Variants in DDX47 observed in about 807,000 individuals in gnomAD.
DDX47 encodes DEAD-box helicase 47.
Under a neutral mutation model 58.8 loss-of-function variants are expected in DDX47, and 60 were observed. That is an observed-to-expected ratio of 1.02 (90% CI 0.83 to 1.26). The LOEUF (loss-of-function observed/expected upper bound fraction) is 1.26. Among genes scored for constraint, DDX47 ranks in the 50% most tolerant of loss-of-function variants. The pLI is 0.00. For missense variants in DDX47, 530 were observed against 573.2 expected, an observed-to-expected ratio of 0.92 and a Z score of 0.77; for synonymous variants, 197 against 204.6, an observed-to-expected ratio of 0.96 and a Z score of 0.32.
At position 12,824,783 on chromosome 12, in the gene DDX47, A is replaced by C. The variant is rs1319491155; in HGVS notation, c.1035+106A>C. 3.9e-6 allele frequency: 5 copies of C among 1,271,742 alleles called. No individual in the cohort carries two copies. In the Admixed American group the frequency reaches 1.1e-4, roughly 28 times the overall value. 78.8% of individuals were successfully genotyped at this position (1,271,742 alleles called of 1,614,324 possible). A position where few individuals can be genotyped will look rare whatever the true frequency, so the allele number is the denominator to read the frequency against. ...GCAGTTATTTTGTTCCTGGTTAATTAAGTATCAAAAAACAAGAAAGCCCTT... is the reference window on the plus strand; with the variant it reads ...GCAGTTATTTTGTTCCTGGTTAATTCAGTATCAAAAAACAAGAAAGCCCTT... On this transcript the variant is annotated intron_variant, in intron 9 of 11. Transcript: ENST00000358007.
chr12:12,821,278 CGCACT>C lies in DDX47; in HGVS notation c.255_259del (p.Leu86GlyfsTer26). ...GCGCCTTTGCTTTGCCCATTCTAAACGCACTGCTGGAGACCCCGCAGCGTTTGTTT... is the reference window on the plus strand; with the variant it reads ...GCGCCTTTGCTTTGCCCATTCTAAACGCTGGAGACCCCGCAGCGTTTGTTT... On this transcript the variant is annotated frameshift_variant, in exon 3 of 12. Coordinates refer to ENST00000358007, the MANE Select transcript of DDX47 (RefSeq NM_016355.4). LOFTEE classifies it high-confidence loss of function. 1.2e-6 allele frequency: 2 copies of C among 1,614,170 alleles called. No individual in the cohort carries two copies. Among genetic ancestry groups the C allele is most frequent in the Non-Finnish European group, 1.7e-6 (2 of 1,180,042 alleles).
At chr12:12,817,725 A>G (rs1163280406) in intron 2 of DDX47, among the ~76,000 whole-genome samples, 1 of 152,348 alleles carries the variant, frequency 6.6e-6, no homozygotes, top group East Asian at 1.9e-4. Context: ...ACAGGTATAA[A>G]CACTGAAAAG....
At chr12:12,818,381 C>G (rs559630112) in intron 2 of DDX47, among the ~76,000 whole-genome samples, 1 of 152,128 alleles carries the variant, frequency 6.6e-6, no homozygotes, top group South Asian at 2.1e-4. Flanking sequence ...ATTAGCAGGG[C>G]GTGGTGACGG....
chr12:12,829,639 A>C lies in DDX47; in HGVS notation c.*85A>C. ...TGCTCCAACAGAGATCATGAGACTG[A>C]AATTGGTCAGAATTGTGTCCAGAAT... is the stretch of plus-strand genomic sequence containing the variant. On this transcript the variant is annotated 3_prime_UTR_variant, in exon 12 of 12. Coordinates refer to ENST00000358007, the MANE Select transcript of DDX47 (RefSeq NM_016355.4). The C allele has an allele frequency of 6.6e-7, 1 of 1,508,340 alleles. No individual in the cohort carries two copies. Among genetic ancestry groups the C allele is most frequent in the South Asian group, 1.3e-5 (1 of 75,598 alleles). The allele number at this position is 1,508,340 out of a possible 1,614,324, so 93.4% of individuals were successfully genotyped here.
intron 2 of DDX47, 41 bp downstream of exon 2, chr12:12,814,265 C>T (rs750820647): frequency 8.0e-7 from 1 of 1,251,196 alleles, no homozygotes; most frequent in Non-Finnish European, 1.2e-6. Flanking sequence ...ATAAAGTTAT[C>T]TCAATTAGAT....
intron 2 of DDX47, among the ~76,000 whole-genome samples, chr12:12,816,176 T>A (rs1358463363): frequency 6.6e-6 from 1 of 152,100 alleles, no homozygotes; most frequent in Non-Finnish European, 1.5e-5. Context: ...AGTAATTGAT[T>A]TTGGATATCA....
intron 4 of DDX47, 57 bp from the exon 5 acceptor site, chr12:12,821,908 G>GT (rs200563142): frequency 0.039 from 38,413 of 995,042 alleles, 61 homozygotes; most frequent in African/African-American, 0.064. Context: ...TATTTGTTTT[G>GT]TTTTTTTTTT....
intron 2 of DDX47, chr12:12,820,219 G>T (rs1240156342): frequency 6.6e-6 from 1 of 152,196 alleles, no homozygotes; most frequent in African/African-American, 2.4e-5. Flanking sequence ...ATAGCAAACA[G>T]TGGTGACCTG....
Position 12,829,901 on chromosome 12 carries a change from C to A in DDX47, c.*347C>A. The A allele has an allele frequency of 6.0e-6, 1 of 167,950 alleles. No homozygotes were observed. 10.4% of individuals were successfully genotyped at this position (167,950 alleles called of 1,614,324 possible). ...AATTGTAAAGAAGCTTGGACATCTG[C>A]AAATGATATTTAAACCATCTTGGCT... On this transcript the variant is annotated 3_prime_UTR_variant, in exon 12 of 12. Transcript: ENST00000358007.
In DDX47 at chr12:12,827,267, G is replaced by T. The variant is rs1370071204; in HGVS notation, c.1128G>T (p.Gln376His). ...TCAGGTATGATGTGGAACTCTTCCA[G>T]CGCATAGAACACTTAATTGGGAAGA... ...FVTQYDVELFQRIEHLIGKKL... is the reference protein window; with the variant it reads ...FVTQYDVELFHRIEHLIGKKL... The change falls in exon 11 of 12, where the codon CAG (glutamine) becomes CAT (histidine). Residue 376 changes from glutamine to histidine, a missense_variant. Coordinates refer to ENST00000358007, the MANE Select transcript of DDX47 (RefSeq NM_016355.4). 6.2e-7 allele frequency: 1 copy of T among 1,614,016 alleles called. No individual in the cohort carries two copies. Among genetic ancestry groups the T allele is most frequent in the African/African-American group, 1.3e-5 (1 of 74,916 alleles).
chr12:12,828,691 A>C (rs761332422), intron 11 of DDX47, among the ~76,000 whole-genome samples: 2 of 152,214 alleles, frequency 1.3e-5, no homozygotes, highest in Non-Finnish European at 2.9e-5. Context: ...TTACATGTGC[A>C]TTGGGAAAAA....
In DDX47 at chr12:12,824,647, T is replaced by C; in HGVS notation, c.1005T>C (p.Val335=). ...RGLDIPHVDV[V]VNFDIPTHSK... ...TGGACATACCTCATGTAGATGTGGT[T>C]GTCAACTTTGACATTCCTACCCATT... Residue 335 remains valine (V), a synonymous_variant, in exon 9 of 12, where the codon GTT becomes GTC. Transcript: ENST00000358007. The C allele has an allele frequency of 2.5e-6, 4 of 1,614,224 alleles. No individual in the cohort carries two copies. The highest frequency in any genetic ancestry group is 1.6e-4 in the Middle Eastern group (1 of 6,062).
At chr12:12,813,960 G>A (rs1196992255) in intron 1 of DDX47, among the ~76,000 whole-genome samples, 171 bp from the exon 2 acceptor site, 1 of 152,234 alleles carries the variant, frequency 6.6e-6, no homozygotes, top group African/African-American at 2.4e-5. Flanking sequence ...TGTTCGTTAA[G>A]TCTTGAGCTA....
chr12:12,816,986 T>G (rs1862906169), intron 2 of DDX47, among the ~76,000 whole-genome samples: 2 of 152,188 alleles, frequency 1.3e-5, no homozygotes, highest in Non-Finnish European at 2.9e-5. Context: ...AGTGGAAGAT[T>G]ACTAGGAACT....
intron 9 of DDX47, 88 bp from the exon 10 acceptor site, chr12:12,825,912 A>G: frequency 1.0e-6 from 1 of 994,860 alleles, no homozygotes; most frequent in East Asian, 2.9e-5. Flanking sequence ...ATTTTCTTTC[A>G]AAGGTTTTGC....
At position 12,824,645 on chromosome 12, in the gene DDX47, G is replaced by A. The variant is rs1402117317; in HGVS notation, c.1003G>A (p.Val335Ile). The change falls in exon 9 of 12, where the codon GTT becomes ATT. Residue 335 changes from valine to isoleucine, a missense_variant. Physicochemically the swap from Val to Ile is conservative, Grantham distance 29 (BLOSUM62 3). Transcript: ENST00000358007. ...RGLDIPHVDV[V>I]VNFDIPTHSK... is the part of the protein sequence containing the mutation. ...TTTGGACATACCTCATGTAGATGTG[G>A]TTGTCAACTTTGACATTCCTACCCA... is the stretch of plus-strand genomic sequence containing the variant. 3.7e-6 allele frequency: 6 copies of A among 1,614,182 alleles called. No individual in the cohort carries two copies. Among genetic ancestry groups the A allele is most frequent in the Middle Eastern group, 3.3e-4 (2 of 6,062 alleles).
intron 6 of DDX47, 150 bp downstream of exon 6, chr12:12,822,882 G>A (rs937508890): frequency 7.1e-6 from 5 of 707,818 alleles, no homozygotes; most frequent in African/African-American, 5.4e-5. Context: ...ACAGAAAAGA[G>A]GTTTAATTGA....
intron 5 of DDX47, 21 bp downstream of exon 5, chr12:12,822,104 C>T: frequency 6.4e-7 from 1 of 1,551,990 alleles, no homozygotes; most frequent in Non-Finnish European, 8.9e-7. Context: ...AATTTCTTTC[C>T]TCCTCTTAGA....
chr12:12,814,423 T>G, intron 2 of DDX47, 199 bp downstream of exon 2: 2 of 507,490 alleles, frequency 3.9e-6, no homozygotes, highest in Non-Finnish European at 7.2e-6. Flanking sequence ...AAGGGTTTGT[T>G]CTCTGCCACA....
Sources: gnomAD v4.1 joint callset for allele counts (sites outside exome capture counted in the v4.1 genomes callset) on GRCh38, gnomAD v4.1.1 for gene constraint, MANE v1.5 for transcripts, NCBI Gene and HGNC (gene_info 2026-07-23, HGNC 2026-07-21) for gene names.